The following KANSL1 variants were observed in gnomAD, a reference collection of about 807,000 sequenced individuals.
The protein encoded by KANSL1 is KAT8 regulatory NSL complex subunit 1, also known as MLL1/MLL complex subunit KANSL1.
A neutral mutation model predicts 103.6 loss-of-function variants in KANSL1; 22 were observed. That is an observed-to-expected ratio of 0.21 (90% CI 0.15 to 0.30). KANSL1 has a LOEUF of 0.30. Among genes scored for constraint, KANSL1 ranks in the 10% least tolerant of loss-of-function variants. KANSL1 has a pLI of 1.00. For missense variants in KANSL1, 1,337 were observed against 1,399.8 expected (o/e 0.96, Z 0.72); for synonymous variants, 600 against 527.6 (o/e 1.14, Z -1.88).
At chr17:46,062,125 A>C (rs111600065) in intron 6 of KANSL1, among the ~76,000 whole-genome samples, 21,709 of 137,498 alleles carry the variant, frequency 0.16, 2,424 homozygotes, top group Non-Finnish European at 0.23. Context: ...AAACAAAAAA[A>C]AAAAAAAAAC....
rs141100824 is a variant in KANSL1 at position 46,096,055 on chromosome 17, T to C, written c.1290-1354A>G. 3.4e-3 allele frequency among the ~76,000 whole-genome samples: 523 copies of C among 151,984 alleles called. 1 individual carries two copies. The highest frequency in any genetic ancestry group is 6.3e-3 in the Non-Finnish European group (427 of 67,996). Reference sequence around the variant, plus strand: ...AATATATTGCTGGTAACAGTTAAAATTGGAACCACCATTTTTGAAAAATAA... The same window carrying C: ...AATATATTGCTGGTAACAGTTAAAACTGGAACCACCATTTTTGAAAAATAA... On this transcript the variant is annotated intron_variant, in intron 2 of 14. Coordinates refer to ENST00000432791, the MANE Select transcript of KANSL1 (RefSeq NM_015443.4).
In KANSL1 at chr17:46,033,489, GA is replaced by G. The variant is rs1167322319; in HGVS notation, c.2667-30del. ...CAAAACCAAGAACAGACAATCATGA[GA>G]TGGCAAGCAGGCTAAAACTGGGGGC... is the stretch of plus-strand genomic sequence containing the variant. On this transcript the variant is annotated intron_variant, in intron 11 of 14. Coordinates refer to ENST00000432791, the MANE Select transcript of KANSL1 (RefSeq NM_015443.4). The G allele has an allele frequency of 2.5e-6, 4 of 1,608,174 alleles. No homozygotes were observed. In the South Asian group the frequency reaches 4.4e-5, roughly 18 times the overall value.
chr17:46,155,425 TG>T (rs1835219165), intron 2 of KANSL1, among the ~76,000 whole-genome samples: 1 of 152,202 alleles, frequency 6.6e-6, no homozygotes, highest in African/African-American at 2.4e-5. Flanking sequence ...CCCAAAGTGC[TG>T]AGATTACAGG....
At chr17:46,100,631 T>C (rs988048255) in intron 2 of KANSL1, among the ~76,000 whole-genome samples, 11 of 152,326 alleles carry the variant, frequency 7.2e-5, no homozygotes, top group African/African-American at 2.4e-4. Flanking sequence ...TCAACTCTTT[T>C]GTATTTATTA....
chr17:46,105,908 C>CAG (rs1567680470), intron 2 of KANSL1, among the ~76,000 whole-genome samples: 2 of 56,172 alleles, frequency 3.6e-5, no homozygotes, highest in African/African-American at 2.0e-4. Context: ...AAGGCCTTGA[C>CAG]ACACACACAC....
chr17:46,053,530 C>A (rs1479299721), intron 6 of KANSL1, among the ~76,000 whole-genome samples: 1 of 151,808 alleles, frequency 6.6e-6, no homozygotes, highest in African/African-American at 2.4e-5. Flanking sequence ...CTTCCAGGTT[C>A]ACACCATTCT....
At chr17:46,198,422 T>TTAAAAAAAAAAAAA (rs1567797004), upstream of KANSL1, among the ~76,000 whole-genome samples, 1 of 96,118 alleles carries the variant, frequency 1.0e-5, no homozygotes. Flanking sequence ...CTACTTTAAT[T>TTAAAAAAAAAAAAA]AAAAAAAAAA....
chr17:46,084,246 G>C lies in KANSL1; in HGVS notation c.1432-1704C>G, dbSNP rs547485353. 2.0e-5 allele frequency among the ~76,000 whole-genome samples: 3 copies of C among 152,180 alleles called. No individual in the cohort carries two copies. In the South Asian group the frequency reaches 6.2e-4, roughly 32 times the overall value. On this transcript the variant is annotated intron_variant, in intron 3 of 14. Transcript: ENST00000432791. ...AAAATACAAAAATTGCCCAGGCGTCGTGGCACATGCCCATAGTCCCAGCTA... is the reference window on the plus strand; with the variant it reads ...AAAATACAAAAATTGCCCAGGCGTCCTGGCACATGCCCATAGTCCCAGCTA...
intron 1 of KANSL1, among the ~76,000 whole-genome samples, chr17:46,199,796 G>T (rs182539998): frequency 1.6e-3 from 238 of 152,122 alleles, no homozygotes; most frequent in African/African-American, 5.5e-3. Flanking sequence ...AGTAAGTCTA[G>T]AAATAATTTA....
At chr17:46,127,017 GCT>G (rs1178679673) in intron 2 of KANSL1, among the ~76,000 whole-genome samples, 1 of 152,194 alleles carries the variant, frequency 6.6e-6, no homozygotes, top group African/African-American at 2.4e-5. Context: ...TTTACAACTG[GCT>G]CTCTCATCAG....
chr17:46,049,950 C>CTGT (rs2077656021), intron 7 of KANSL1: 1 of 151,692 alleles, frequency 6.6e-6, no homozygotes, highest in Non-Finnish European at 1.5e-5. Flanking sequence ...GAGTCTTGCT[C>CTGT]TGTTATCCAG....
At chr17:46,068,572 GAATA>G (rs1428718031) in intron 4 of KANSL1, among the ~76,000 whole-genome samples, 5 of 151,830 alleles carry the variant, frequency 3.3e-5, no homozygotes, top group East Asian at 1.9e-4. Flanking sequence ...CTGTCTCAAT[GAATA>G]AATAAATAAA....
rs969318015 is a variant in KANSL1, at chr17:46,077,682, C to T, written c.1533+4759G>A. On this transcript the variant is annotated intron_variant, in intron 4 of 14. Coordinates refer to ENST00000432791, the MANE Select transcript of KANSL1 (RefSeq NM_015443.4). The stretch of plus-strand genomic sequence containing the variant: ...AAGCGATTCTCCTGCTTCAGCCTCC[C>T]GAGTAGCTGGGATTACAGGTGTCTG... Among the ~76,000 whole-genome samples, 17 of 152,160 alleles carry T rather than the reference C, an allele frequency of 1.1e-4. 1 individual carries two copies. The highest frequency in any genetic ancestry group is 1.0e-3 in the South Asian group (5 of 4,826).
At chr17:46,116,675 AGG>A in intron 2 of KANSL1, among the ~76,000 whole-genome samples, 1 of 151,906 alleles carries the variant, frequency 6.6e-6, no homozygotes, top group East Asian at 1.9e-4. Flanking sequence ...CCTCTTCCAG[AGG>A]TTCCCTTTAC....
upstream of KANSL1, chr17:46,196,611 GT>G (rs2047618877): frequency 6.1e-6 from 2 of 328,844 alleles, no homozygotes; most frequent in Non-Finnish European, 1.2e-5. Context: ...CTGACAATTT[GT>G]ATGACTTCTG....
chr17:46,133,281 G>A (rs956717468), intron 2 of KANSL1, among the ~76,000 whole-genome samples: 3 of 152,132 alleles, frequency 2.0e-5, no homozygotes, highest in South Asian at 2.1e-4. Flanking sequence ...CCAAGCACAC[G>A]CCCAGACTTC....
upstream of KANSL1, among the ~76,000 whole-genome samples, chr17:46,197,363 C>T (rs938203370): frequency 6.6e-6 from 1 of 152,240 alleles, no homozygotes; most frequent in Non-Finnish European, 1.5e-5. Flanking sequence ...ATAATGTAGG[C>T]TGGGCGTGGT....
chr17:46,123,765 A>G (rs1211441846), intron 2 of KANSL1, among the ~76,000 whole-genome samples: 1 of 152,264 alleles, frequency 6.6e-6, no homozygotes, highest in Non-Finnish European at 1.5e-5. Flanking sequence ...TAAGGAAATA[A>G]GCCATCTCCA....
intron 2 of KANSL1, among the ~76,000 whole-genome samples, chr17:46,127,789 A>G (rs1267767601): frequency 6.6e-6 from 1 of 151,976 alleles, no homozygotes; most frequent in Non-Finnish European, 1.5e-5. Context: ...AAAAAAAAAA[A>G]AGTTAAATGC....
Sources: allele counts gnomAD v4.1 joint callset (sites outside exome capture counted in the v4.1 genomes callset), GRCh38; gene constraint gnomAD v4.1.1; transcripts MANE v1.5; gene names NCBI Gene and HGNC (gene_info 2026-07-23, HGNC 2026-07-21).